DOCK9: variants seen among roughly 807,000 people sequenced by gnomAD.
DOCK9 encodes dedicator of cytokinesis 9.
In DOCK9, 89 loss-of-function variants were observed where a neutral mutation model predicts 263.3. That is an observed-to-expected ratio of 0.34 (90% CI 0.28 to 0.40). The LOEUF is 0.40. Ranked by LOEUF, DOCK9 falls within the 10% of genes least tolerant of loss-of-function variation. The probability of loss-of-function intolerance (pLI) is 1.00; values close to 1 mark genes in which losing one functional copy is unlikely to be tolerated. For missense variants in DOCK9, 2,140 were observed against 2,603.4 expected (o/e 0.82, Z 3.87); for synonymous variants, 976 against 973.1 (o/e 1.00, Z -0.06).
At position 98,955,342 on chromosome 13, in the gene DOCK9, TTAAC is replaced by T. The variant is rs558597220; in HGVS notation, c.243+89_243+92del. On this transcript the variant is annotated intron_variant, in intron 2 of 52. Coordinates refer to ENST00000682017, the MANE Select transcript of DOCK9 (RefSeq NM_001366683.2). ...TCAAAAAAAATAATAATAATAATAATTAACTAACCAAACAATAAATCAATACATA... is the reference window on the plus strand; with the variant it reads ...TCAAAAAAAATAATAATAATAATAATTAACCAAACAATAAATCAATACATA... 2.5e-3 allele frequency: 2,061 copies of T among 816,250 alleles called. 51 individuals are homozygous for T. In the South Asian group the frequency reaches 0.04, roughly 16 times the overall value. 50.6% of individuals were successfully genotyped at this position (816,250 alleles called of 1,614,324 possible). A position where few individuals can be genotyped will look rare whatever the true frequency, so the allele number is the denominator to read the frequency against.
At chr13:98,893,573 T>G (rs1185219927) in intron 15 of DOCK9, among the ~76,000 whole-genome samples, 1 of 152,136 alleles carries the variant, frequency 6.6e-6, no homozygotes, top group Non-Finnish European at 1.5e-5. Context: ...GAAAGTGGCT[T>G]ATGAGCTTTG....
At chr13:98,881,134 C>A (rs1286865596) in intron 25 of DOCK9, among the ~76,000 whole-genome samples, 1 of 152,074 alleles carries the variant, frequency 6.6e-6, no homozygotes, top group African/African-American at 2.4e-5. Context: ...CTAACAACAT[C>A]TCTTGCTGTC....
At chr13:99,076,806 C>T (rs751179501) in intron 1 of DOCK9, among the ~76,000 whole-genome samples, 1 of 152,042 alleles carries the variant, frequency 6.6e-6, no homozygotes, top group Non-Finnish European at 1.5e-5. Context: ...GCGAAAACCA[C>T]GGTGAACCAA....
At chr13:99,034,881 T>C (rs1887705487) in intron 1 of DOCK9, among the ~76,000 whole-genome samples, 1 of 152,188 alleles carries the variant, frequency 6.6e-6, no homozygotes. Flanking sequence ...AGACAGGCAG[T>C]TCCTTGTAAG....
chr13:99,048,322 C>T (rs1470580817), intron 1 of DOCK9, among the ~76,000 whole-genome samples: 1 of 152,196 alleles, frequency 6.6e-6, no homozygotes, highest in African/African-American at 2.4e-5. Flanking sequence ...TGCACCCCAG[C>T]GGAGCTTCCC....
chr13:98,912,357 C>A (rs914838853), intron 9 of DOCK9, among the ~76,000 whole-genome samples: 1 of 152,080 alleles, frequency 6.6e-6, no homozygotes, highest in African/African-American at 2.4e-5. Flanking sequence ...TGTACAAATG[C>A]GAACTCCAGT....
At chr13:98,860,664 A>T in intron 32 of DOCK9, 142 bp from the exon 33 acceptor site, 12 of 339,908 alleles carry the variant, frequency 3.5e-5, no homozygotes, top group Admixed American at 5.7e-5. Flanking sequence ...AGTAGCCTTG[A>T]GGCGTGGGTG....
At position 98,829,301 on chromosome 13, in the gene DOCK9, T is replaced by C; in HGVS notation, c.4965+6A>G. 6.2e-7 allele frequency: 1 copy of C among 1,609,766 alleles called. No homozygotes were observed. On this transcript the variant is annotated splice_donor_region_variant and intron_variant, in intron 43 of 52. Coordinates refer to ENST00000682017, the MANE Select transcript of DOCK9 (RefSeq NM_001366683.2). This position sits in a 1 kb window ranked among gnomAD's most constrained non-coding sequence, Gnocchi z 4.1. ...AACCCATTCAAGCGGCTGGCAGGGC[T>C]ACTACCTCTGAGAGATCGCCATTTT...
chr13:98,859,736 T>C (rs1375311874), intron 33 of DOCK9: 1 of 111,524 alleles, frequency 9.0e-6, no homozygotes, highest in African/African-American at 3.3e-5. Flanking sequence ...TGTTTGTGTG[T>C]GTGTGTGTGT....
intron 34 of DOCK9, 58 bp downstream of exon 34, chr13:98,855,840 A>C: frequency 6.3e-7 from 1 of 1,599,060 alleles, no homozygotes; most frequent in South Asian, 1.1e-5. Flanking sequence ...AAGTACGTTT[A>C]CTTTGGGCTA....
intron 30 of DOCK9, among the ~76,000 whole-genome samples, chr13:98,864,588 T>C (rs551021973): frequency 5.3e-5 from 8 of 152,372 alleles, no homozygotes; most frequent in African/African-American, 1.9e-4. Context: ...ACCTAGTTTA[T>C]CAAAACTATA....
In DOCK9 at chr13:99,077,795, G is replaced by A. The variant is rs117658367; in HGVS notation, c.129+8428C>T. ...CAGACCTGCCACATTCAAGATGGGGGCTGTCCCATCAACTGAGGTCCCAGG... is the reference window on the plus strand; with the variant it reads ...CAGACCTGCCACATTCAAGATGGGGACTGTCCCATCAACTGAGGTCCCAGG... On this transcript the variant is annotated intron_variant, in intron 1 of 32. Transcript: ENST00000427887. Among the ~76,000 whole-genome samples the A allele has an allele frequency of 4.9e-3, 746 of 152,294 alleles. 2 individuals carry two copies. Among genetic ancestry groups the A allele is most frequent in the Non-Finnish European group, 7.9e-3 (537 of 68,026 alleles).
intron 1 of DOCK9, among the ~76,000 whole-genome samples, chr13:98,962,818 G>A (rs1471015328): frequency 5.9e-5 from 9 of 152,102 alleles, no homozygotes; most frequent in South Asian, 2.1e-4. Context: ...TGCTTATACC[G>A]TAGATGGGAC....
intron 1 of DOCK9, among the ~76,000 whole-genome samples, chr13:99,007,820 G>A (rs1883617114): frequency 6.6e-6 from 1 of 152,106 alleles, no homozygotes; most frequent in Admixed American, 6.5e-5. Context: ...AAATAGCAAT[G>A]ATGAAAACAA....
chr13:98,799,150 C>T (rs2089803702), intron 50 of DOCK9, among the ~76,000 whole-genome samples: 1 of 152,300 alleles, frequency 6.6e-6, no homozygotes, highest in Admixed American at 6.5e-5. Flanking sequence ...TCTGTAAATG[C>T]TTTTGTGGTG....
At chr13:99,082,452 G>A (rs1308398255) in intron 1 of DOCK9, among the ~76,000 whole-genome samples, 1 of 147,552 alleles carries the variant, frequency 6.8e-6, no homozygotes, top group Non-Finnish European at 1.5e-5. Context: ...CCGGGAAGCG[G>A]AGGTTGCAGT....
At chr13:98,985,021 A>G (rs1314581774) in intron 1 of DOCK9, among the ~76,000 whole-genome samples, 1 of 146,416 alleles carries the variant, frequency 6.8e-6, no homozygotes, top group Non-Finnish European at 1.5e-5. Flanking sequence ...AGCAGACAAC[A>G]AGAACATAAC....
chr13:98,875,924 C>T (rs1255730591), intron 27 of DOCK9, among the ~76,000 whole-genome samples: 1 of 152,138 alleles, frequency 6.6e-6, no homozygotes, highest in Non-Finnish European at 1.5e-5. Flanking sequence ...AGAACATGGC[C>T]ACTTCCACCT....
chr13:98,843,295 T>A (rs2093284852), intron 38 of DOCK9, among the ~76,000 whole-genome samples: 3 of 152,190 alleles, frequency 2.0e-5, no homozygotes, highest in South Asian at 4.1e-4. Flanking sequence ...GGATTTTTTT[T>A]AAAGACATAT....
Sources: allele counts gnomAD v4.1 joint callset (sites outside exome capture counted in the v4.1 genomes callset), GRCh38; gene constraint gnomAD v4.1.1; non-coding constraint Gnocchi (gnomAD v3.1); transcripts MANE v1.5; gene names NCBI Gene and HGNC (gene_info 2026-07-23, HGNC 2026-07-21).